TMEM18: variants seen among roughly 807,000 people sequenced by gnomAD.
The protein encoded by TMEM18 is transmembrane protein 18.
TMEM18 carries 14 observed loss-of-function variants against 17.4 expected under a neutral mutation model. The ratio of observed to expected loss-of-function variants is 0.80; its 90% CI spans 0.53 to 1.25. The LOEUF is 1.25. TMEM18 is among the 50% of genes most tolerant of loss of function. TMEM18 has a pLI of 0.00. For missense variants in TMEM18, 187 were observed against 172.1 expected, an observed-to-expected ratio of 1.09 and a Z score of -0.48; for synonymous variants, 86 against 66.1, an observed-to-expected ratio of 1.30 and a Z score of -1.46.
chr2:670,119 G>A, intron 3 of TMEM18: 2 of 412,082 alleles, frequency 4.9e-6, no homozygotes, highest in Non-Finnish European at 8.7e-6. Context: ...TCCCCCAGCA[G>A]AGAGACGTCA....
At position 667,287 on chromosome 2, in the gene TMEM18, T is replaced by G. The variant is rs1678719232; in HGVS notation, c.*2293A>C. On this transcript the variant is annotated 3_prime_UTR_variant, in exon 5 of 5. Coordinates refer to ENST00000281017, the MANE Select transcript of TMEM18 (RefSeq NM_152834.4). ...GCTCCTGTTTCCAGTTACAGTAAGG[T>G]GCAAAACAAATACCATTTTTTTGAA... The G allele has an allele frequency of 6.6e-6, 1 of 151,764 alleles. No individual in the cohort carries two copies. 9.4% of individuals were successfully genotyped at this position (151,764 alleles called of 1,614,324 possible).
rs1299098915 is a variant in TMEM18 at position 664,663 on chromosome 2, A to C, written c.*4917T>G. Among the ~76,000 whole-genome samples, 1 of 152,258 alleles carries C rather than the reference A, an allele frequency of 6.6e-6. No individual in the cohort carries two copies. The highest frequency in any genetic ancestry group is 1.5e-5 in the Non-Finnish European group (1 of 68,048). Reference sequence around the variant, plus strand: ...AGGATTTCAGGAAATATGTACAACCAATATTGGCATATGCTTTCTGAAAAT... The same window carrying C: ...AGGATTTCAGGAAATATGTACAACCCATATTGGCATATGCTTTCTGAAAAT... On this transcript the variant is annotated 3_prime_UTR_variant, in exon 5 of 5. Coordinates refer to ENST00000281017, the MANE Select transcript of TMEM18 (RefSeq NM_152834.4).
At chr2:677,180 C>A (rs1184095725) in intron 1 of TMEM18, 109 bp downstream of exon 1, 2 of 1,410,098 alleles carry the variant, frequency 1.4e-6, no homozygotes, top group South Asian at 2.5e-5. Context: ...CACAAGGCCC[C>A]GCCCACGGCC....
chr2:676,662 G>A lies in TMEM18; in HGVS notation c.57+627C>T, dbSNP rs1414258622. On this transcript the variant is annotated intron_variant, in intron 1 of 4. Transcript: ENST00000281017. ...CATGTCACCCCTTGGCGGCCACGTG[G>A]GGCGTGGGCTCCCCTGGGATCTGTC... 2.6e-6 allele frequency: 4 copies of A among 1,547,740 alleles called. No homozygotes were observed. The South Asian group carries it at 4.8e-5, about 18-fold the overall frequency.
chr2:665,327 G>A lies in TMEM18; in HGVS notation c.*4253C>T. Among the ~76,000 whole-genome samples the A allele has an allele frequency of 6.6e-6, 1 of 151,602 alleles. No individual in the cohort carries two copies. Among genetic ancestry groups the A allele is most frequent in the Non-Finnish European group, 1.5e-5 (1 of 67,944 alleles). On this transcript the variant is annotated 3_prime_UTR_variant, in exon 5 of 5. Transcript: ENST00000281017. ...CCCACATAAAATAGAACCCAGAGAT[G>A]CAGATGCACCACTCACTCAGATAGA...
rs562999157 is a variant in TMEM18, at chr2:666,974, G to A, written c.*2606C>T. 4.7e-5 allele frequency among the ~76,000 whole-genome samples: 7 copies of A among 150,390 alleles called. No individual in the cohort carries two copies. The highest frequency in any genetic ancestry group is 2.0e-4 in the East Asian group (1 of 5,112). ...GTCTTTAAGCATCCCACTCAACTTC[G>A]CGCCACTGAAGCTCCTTACCCTGAA... On this transcript the variant is annotated 3_prime_UTR_variant, in exon 5 of 5. Transcript: ENST00000281017.
Position 673,733 on chromosome 2 carries a change from GGGAGGA to G in TMEM18, c.179-877_179-872del, listed in dbSNP as rs1220079951. 3.7e-4 allele frequency among the ~76,000 whole-genome samples: 55 copies of G among 149,106 alleles called. 1 individual carries two copies. In the South Asian group the frequency reaches 9.3e-3, roughly 25 times the overall value. On this transcript the variant is annotated intron_variant, in intron 2 of 4. Transcript: ENST00000281017. ...AGGGAAAGAACCAGAGGGGAGGGGA[GGGAGGA>G]GGAGGAGGAGGAGGGGGAGGATGGG...
At chr2:677,052 C>G (rs1572415392) in intron 1 of TMEM18, 1 of 390,584 alleles carries the variant, frequency 2.6e-6, no homozygotes, top group Non-Finnish European at 4.5e-6. Context: ...CGCGCCCCGA[C>G]GCCCGGCCCC....
intron 1 of TMEM18, chr2:676,616 G>A: frequency 6.4e-7 from 1 of 1,550,424 alleles, no homozygotes; most frequent in Non-Finnish European, 8.7e-7. Flanking sequence ...ACGGCTTTCT[G>A]CCCAGACCCC....
rs764986624 is a variant in TMEM18 at position 677,403 on chromosome 2, AGAG to A, written c.-61_-59del. The A allele has an allele frequency of 3.2e-5, 51 of 1,587,110 alleles. No homozygotes were observed. Among genetic ancestry groups the A allele is most frequent in the Non-Finnish European group, 4.3e-5 (50 of 1,166,810 alleles). On this transcript the variant is annotated 5_prime_UTR_variant, in exon 1 of 5. Transcript: ENST00000281017. ...CGAACCCGGCCTGGCCAGAATCCAC[AGAG>A]GAGGGCGCCAAATCCTCTCTCGTGA...
intron 3 of TMEM18, among the ~76,000 whole-genome samples, chr2:671,866 C>T (rs541503337): frequency 2.0e-5 from 3 of 151,792 alleles, no homozygotes; most frequent in East Asian, 1.9e-4. Context: ...GCCCTGCATC[C>T]GGGAGGAGAG....
Position 677,387 on chromosome 2 carries a change from C to A in TMEM18, c.-42G>T. Reference sequence around the variant, plus strand: ...CTCTCACAGCAACCGCCGAACCCGGCCTGGCCAGAATCCACAGAGGAGGGC... The same window carrying A: ...CTCTCACAGCAACCGCCGAACCCGGACTGGCCAGAATCCACAGAGGAGGGC... On this transcript the variant is annotated 5_prime_UTR_variant, in exon 1 of 5. Coordinates refer to ENST00000281017, the MANE Select transcript of TMEM18 (RefSeq NM_152834.4). The A allele has an allele frequency of 1.2e-6, 2 of 1,602,926 alleles. No individual in the cohort carries two copies. Among genetic ancestry groups the A allele is most frequent in the Non-Finnish European group, 1.7e-6 (2 of 1,176,304 alleles).
chr2:668,744 C>T lies in TMEM18; in HGVS notation c.*836G>A, dbSNP rs1051258109. On this transcript the variant is annotated 3_prime_UTR_variant, in exon 5 of 5. Coordinates refer to ENST00000281017, the MANE Select transcript of TMEM18 (RefSeq NM_152834.4). ...TGGATATTGCAAAGTAACAGTATGC[C>T]TGTCCTAACAGAACTGGGAGCATTG... 10 of 152,210 alleles carry T rather than the reference C, an allele frequency of 6.6e-5. No homozygotes were observed. Among genetic ancestry groups the T allele is most frequent in the Non-Finnish European group, 1.5e-4 (10 of 68,042 alleles). The allele number at this position is 152,210 out of a possible 1,614,324, so 9.4% of individuals were successfully genotyped here. A position where few individuals can be genotyped will look rare whatever the true frequency, so the allele number is the denominator to read the frequency against.
chr2:672,311 G>A (rs1678870107), intron 3 of TMEM18, among the ~76,000 whole-genome samples: 1 of 152,132 alleles, frequency 6.6e-6, no homozygotes, highest in African/African-American at 2.4e-5. Context: ...TGAAGCCAGG[G>A]GTAGAGGAGG....
At position 665,353 on chromosome 2, in the gene TMEM18, GAATC is replaced by G. The variant is rs1678656298; in HGVS notation, c.*4223_*4226del. 6.8e-6 allele frequency among the ~76,000 whole-genome samples: 1 copy of G among 146,144 alleles called. No individual in the cohort carries two copies. Among genetic ancestry groups the G allele is most frequent in the African/African-American group, 2.6e-5 (1 of 38,926 alleles). On this transcript the variant is annotated 3_prime_UTR_variant, in exon 5 of 5. Coordinates refer to ENST00000281017, the MANE Select transcript of TMEM18 (RefSeq NM_152834.4). ...CAGATGCACCACTCACTCAGATAGA[GAATC>G]AACCCCACATAAACTAGAACCCAGA...
At chr2:676,602 G>C in intron 1 of TMEM18, 1 of 1,550,394 alleles carries the variant, frequency 6.4e-7, no homozygotes, top group South Asian at 1.2e-5. Flanking sequence ...GAGGTGAGGG[G>C]AGCACGGCTT....
rs766589617 is a variant in TMEM18 at position 668,708 on chromosome 2, A to G, written c.*872T>C. The G allele has an allele frequency of 1.3e-5, 2 of 152,228 alleles. No individual in the cohort carries two copies. Among genetic ancestry groups the G allele is most frequent in the Non-Finnish European group, 2.9e-5 (2 of 68,036 alleles). The allele number at this position is 152,228 out of a possible 1,614,324, so 9.4% of individuals were successfully genotyped here. ...AACCAAGAGCCACTGGGCAGGAGCT[A>G]TTTTATAAAGTGGATATTGCAAAGT... On this transcript the variant is annotated 3_prime_UTR_variant, in exon 5 of 5. Coordinates refer to ENST00000281017, the MANE Select transcript of TMEM18 (RefSeq NM_152834.4).
chr2:675,832 A>G, intron 1 of TMEM18: 6 of 1,523,086 alleles, frequency 3.9e-6, no homozygotes, highest in South Asian at 1.2e-5. Flanking sequence ...AGGAGGATGG[A>G]AACAGGATTC....
At chr2:676,539 G>T in intron 1 of TMEM18, 1 of 1,548,756 alleles carries the variant, frequency 6.5e-7, no homozygotes, top group Non-Finnish European at 8.7e-7. Flanking sequence ...ATGACATAAG[G>T]ACACAAGCGC....
Sources: allele counts gnomAD v4.1 joint callset (sites outside exome capture counted in the v4.1 genomes callset), GRCh38; gene constraint gnomAD v4.1.1; transcripts MANE v1.5; gene names NCBI Gene and HGNC (gene_info 2026-07-23, HGNC 2026-07-21).